Variants in ORC3 observed in about 807,000 individuals in gnomAD.
ORC3 encodes the protein origin recognition complex subunit 3.
Under a neutral mutation model 100.7 loss-of-function variants are expected in ORC3, and 78 were observed. The observed-to-expected ratio is 0.77, with a 90% CI of 0.65 to 0.94. The LOEUF is 0.94. Among genes scored for constraint, ORC3 ranks in the 40% least tolerant of loss-of-function variants. The pLI, the probability that ORC3 is intolerant of heterozygous loss-of-function variation, is 0.00. For missense variants in ORC3, 789 were observed against 823.9 expected (o/e 0.96, Z 0.52); for synonymous variants, 295 against 289.3 (o/e 1.02, Z -0.20).
chr6:87,663,239 C>T lies in ORC3; in HGVS notation c.1833+95C>T. 6 of 968,760 alleles carry T rather than the reference C, an allele frequency of 6.2e-6. No individual in the cohort carries two copies. The South Asian group carries it at 1.1e-4, about 18-fold the overall frequency. The allele number at this position is 968,760 out of a possible 1,614,324, so 60.0% of individuals were successfully genotyped here. A position where few individuals can be genotyped will look rare whatever the true frequency, so the allele number is the denominator to read the frequency against. On this transcript the variant is annotated intron_variant, in intron 17 of 19. Coordinates refer to ENST00000392844, the MANE Select transcript of ORC3 (RefSeq NM_012381.4). The stretch of plus-strand genomic sequence containing the variant: ...AAATTTGCAGTTATGTTTTAATGAG[C>T]AGAGAGTCGGCAATTCAGGGTTGCA...
At chr6:87,668,995 T>C (rs1211804045), downstream of ORC3, among the ~76,000 whole-genome samples, 1 of 149,632 alleles carries the variant, frequency 6.7e-6, no homozygotes, top group Non-Finnish European at 1.5e-5. Context: ...AAAAATAAAA[T>C]AAAAATACAA....
At chr6:87,596,259 G>T (rs1023796167) in intron 2 of ORC3, among the ~76,000 whole-genome samples, 6 of 149,160 alleles carry the variant, frequency 4.0e-5, no homozygotes, top group African/African-American at 1.5e-4. Context: ...TCAGTCTCCC[G>T]AGTAGCTGGG....
intron 1 of ORC3, among the ~76,000 whole-genome samples, chr6:87,591,656 G>T (rs778627317): frequency 6.6e-5 from 10 of 152,062 alleles, no homozygotes; most frequent in Non-Finnish European, 1.3e-4. Context: ...TGTCTGTATT[G>T]GGATGAGACC....
At chr6:87,631,043 A>T (rs1188974706) in intron 11 of ORC3, among the ~76,000 whole-genome samples, 45 of 136,562 alleles carry the variant, frequency 3.3e-4, no homozygotes, top group African/African-American at 9.9e-4. Context: ...GCTAATTTAA[A>T]TTTTTTTTTT....
chr6:87,644,002 AC>A (rs1202930709), intron 13 of ORC3, among the ~76,000 whole-genome samples: 1 of 142,996 alleles, frequency 7.0e-6, no homozygotes, highest in Admixed American at 7.1e-5. Flanking sequence ...CTCTTCTCCT[AC>A]CCCCCAAAAT....
At chr6:87,629,619 T>G (rs929800499) in intron 11 of ORC3, among the ~76,000 whole-genome samples, 3 of 152,194 alleles carry the variant, frequency 2.0e-5, no homozygotes, top group African/African-American at 7.2e-5. Flanking sequence ...TATTGGATGA[T>G]GGTGAGTTTT....
the ORC3 span, among the ~76,000 whole-genome samples, chr6:87,676,595 A>AC: frequency 8.0e-5 from 6 of 74,610 alleles, no homozygotes; most frequent in East Asian, 1.5e-3. Flanking sequence ...TCTCTACTAA[A>AC]AACACACACA....
chr6:87,673,148 A>C, the ORC3 span, among the ~76,000 whole-genome samples: 3 of 144,112 alleles, frequency 2.1e-5, no homozygotes, highest in African/African-American at 7.8e-5. Context: ...GGAGCAAAAA[A>C]AAAAAATTTT....
chr6:87,591,421 C>T (rs1179327935), intron 1 of ORC3, among the ~76,000 whole-genome samples: 1 of 152,118 alleles, frequency 6.6e-6, no homozygotes, highest in Non-Finnish European at 1.5e-5. Context: ...GACTACATCT[C>T]AAGGAAAAAG....
In ORC3 at chr6:87,609,144, T is replaced by C. The variant is rs1778557786; in HGVS notation, c.628T>C (p.Trp210Arg). The C allele has an allele frequency of 6.2e-7, 1 of 1,609,826 alleles. No individual in the cohort carries two copies. Among genetic ancestry groups the C allele is most frequent in the East Asian group, 2.2e-5 (1 of 44,676 alleles). The change falls in exon 7 of 20, where the codon TGG (tryptophan) becomes CGG (arginine). Residue 210 changes from tryptophan to arginine, a missense_variant. Physicochemically the swap from Trp to Arg is moderately radical, Grantham distance 101. Around this residue, in one of 3 missense-constraint regions of ORC3, gnomAD observed 399 missense variants for 382.0 expected, o/e 1.04. Transcript: ENST00000392844. Reference sequence around the variant, plus strand: ...CAAAAAAAGGACTACTTCTAGCCAATGGCAGTCTCCTCCTGTTGTCGTTAT... The same window carrying C: ...CAAAAAAAGGACTACTTCTAGCCAACGGCAGTCTCCTCCTGTTGTCGTTAT... ...LSKKRTTSSQ[W>R]QSPPVVVILK...
chr6:87,606,065 A>T (rs1232860331), intron 5 of ORC3, 44 bp downstream of exon 5: 1 of 1,026,526 alleles, frequency 9.7e-7, no homozygotes, highest in Non-Finnish European at 1.5e-6. Context: ...GATGTTACAG[A>T]CTTCTTTCAT....
chr6:87,655,518 A>AT (rs1235929011), intron 14 of ORC3, among the ~76,000 whole-genome samples: 1 of 151,466 alleles, frequency 6.6e-6, no homozygotes, highest in Non-Finnish European at 1.5e-5. Flanking sequence ...CACTTGGCTA[A>AT]TTTTTTTGTA....
Position 87,634,872 on chromosome 6 carries a change from C to A in ORC3, c.1213C>A (p.Leu405Met). 1 of 1,582,672 alleles carries A rather than the reference C, an allele frequency of 6.3e-7. No individual in the cohort carries two copies. The highest frequency in any genetic ancestry group is 8.7e-7 in the Non-Finnish European group (1 of 1,151,894). The change falls in exon 12 of 20, where the codon CTG becomes ATG. Residue 405 changes from leucine (L) to methionine (M), a missense_variant. This residue lies in a region of ORC3 where 366 missense variants were observed against 394.2 expected (regional missense o/e 0.93). Coordinates refer to ENST00000392844, the MANE Select transcript of ORC3 (RefSeq NM_012381.4). Reference sequence around the variant, plus strand: ...GGAAACACAATTATTACTAGAAAACCTGCATGTTTATCATATGAATTACTT... The same window carrying A: ...GGAAACACAATTATTACTAGAAAACATGCATGTTTATCATATGAATTACTT... ...KEETQLLLEN[L>M]HVYHMNYFLV...
chr6:87,599,235 A>T (rs1326207233), intron 2 of ORC3, among the ~76,000 whole-genome samples: 1 of 152,170 alleles, frequency 6.6e-6, no homozygotes, highest in Non-Finnish European at 1.5e-5. Context: ...TTCTGCACAT[A>T]AAAATTGTGT....
At chr6:87,648,679 T>A (rs892666438) in intron 13 of ORC3, among the ~76,000 whole-genome samples, 11 of 152,238 alleles carry the variant, frequency 7.2e-5, no homozygotes. Flanking sequence ...TACATTGTAT[T>A]GTATCAAATG....
chr6:87,665,433 G>C (rs62417751), intron 18 of ORC3, among the ~76,000 whole-genome samples: 362 of 152,202 alleles, frequency 2.4e-3, no homozygotes, highest in Non-Finnish European at 4.6e-3. Context: ...TCCATAATTG[G>C]CTGCTTCCAA....
At chr6:87,649,068 G>A (rs1490783745) in intron 13 of ORC3, among the ~76,000 whole-genome samples, 2 of 152,144 alleles carry the variant, frequency 1.3e-5, no homozygotes, top group Non-Finnish European at 2.9e-5. Context: ...TTTTCTTCTA[G>A]TATTTTATGG....
chr6:87,656,852 C>A, intron 14 of ORC3, 54 bp from the exon 15 acceptor site: 1 of 1,208,652 alleles, frequency 8.3e-7, no homozygotes, highest in Non-Finnish European at 1.2e-6. Flanking sequence ...AATGTTTGTT[C>A]CCTTGACTTG....
intron 1 of ORC3, among the ~76,000 whole-genome samples, chr6:87,593,643 T>TA (rs1411127986): frequency 6.6e-6 from 1 of 152,262 alleles, no homozygotes; most frequent in African/African-American, 2.4e-5. Context: ...CGAGTTTAAA[T>TA]AAGTTTCGGG....
Sources: gnomAD v4.1 joint callset for allele counts (sites outside exome capture counted in the v4.1 genomes callset) on GRCh38, gnomAD v4.1.1 for gene constraint, gnomAD v4.1.1 regional missense constraint, MANE v1.5 for transcripts, NCBI Gene and HGNC (gene_info 2026-07-23, HGNC 2026-07-21) for gene names.